ARMCX4: variants seen among roughly 807,000 people sequenced by gnomAD.
ARMCX4 encodes armadillo repeat containing X-linked 4.
ARMCX4 carries 3 observed loss-of-function variants against 34.7 expected under a neutral mutation model. The ratio of observed to expected loss-of-function variants is 0.09; its 90% CI spans 0.04 to 0.22. ARMCX4 has a LOEUF of 0.22. Ranked by LOEUF, ARMCX4 falls within the 10% of genes least tolerant of loss-of-function variation. The pLI is 1.00. For missense variants in ARMCX4, 1,448 were observed against 1,720.8 expected, an observed-to-expected ratio of 0.84 and a Z score of 2.81; for synonymous variants, 513 against 632.8, an observed-to-expected ratio of 0.81 and a Z score of 2.84.
intron 11 of ARMCX4, among the ~76,000 whole-genome samples, chrX:101,517,959 G>A (rs1356837661): frequency 9.0e-6 from 1 of 111,614 alleles, no homozygotes; most frequent in African/African-American, 3.2e-5. Flanking sequence ...GCACACATAA[G>A]AATAGTTAGA....
intron 2 of ARMCX4, among the ~76,000 whole-genome samples, chrX:101,433,378 A>C (rs1042808217): frequency 2.9e-4 from 30 of 102,323 alleles, no homozygotes; most frequent in African/African-American, 1.1e-3. Context: ...ACATATGTAC[A>C]TATATGTACA....
rs1556011193 is a variant in ARMCX4 at position 101,494,382 on chromosome X, C to T, written c.5793C>T (p.Asn1931=). The change falls in exon 6 of 6, where the codon AAC becomes AAT. Residue 1931 remains asparagine, a synonymous_variant. Transcript: ENST00000423738. ...DASFESGAGD[N]TSIKDKFEAA... ...GTTTTGAGTCTGGAGCTGGGGATAACACCAGCATCAAGGATAAGTTTGAGG... is the reference window on the plus strand; with the variant it reads ...GTTTTGAGTCTGGAGCTGGGGATAATACCAGCATCAAGGATAAGTTTGAGG... 8.7e-7 allele frequency: 1 copy of T among 1,155,419 alleles called. No homozygotes were observed. Among genetic ancestry groups the T allele is most frequent in the South Asian group, 1.9e-5 (1 of 52,697 alleles).
At chrX:101,447,371 A>G (rs782012887), downstream of ARMCX4, 7 of 112,462 alleles carry the variant, frequency 6.2e-5, no homozygotes, top group Admixed American at 1.9e-4. Context: ...TCATTCAACA[A>G]ATATTTTCTG....
At chrX:101,474,582 C>T (rs1397546766) in intron 4 of ARMCX4, among the ~76,000 whole-genome samples, 1 of 103,901 alleles carries the variant, frequency 9.6e-6, no homozygotes, top group African/African-American at 3.5e-5. Context: ...CAAACTGAAT[C>T]CAGCAGCACA....
intron 11 of ARMCX4, chrX:101,516,808 C>G (rs1299036017): frequency 1.1e-4 from 12 of 111,290 alleles, no homozygotes; most frequent in African/African-American, 3.6e-4. Context: ...CTGCACGCAG[C>G]CCTCTCCAGC....
At chrX:101,449,742 G>A (rs782554737), downstream of ARMCX4, among the ~76,000 whole-genome samples, 25 of 111,712 alleles carry the variant, frequency 2.2e-4, no homozygotes, top group African/African-American at 7.2e-4. Flanking sequence ...CGGTGAGGTC[G>A]TGTTTCCCTA....
At chrX:101,527,124 C>G (rs782436748) in intron 11 of ARMCX4, among the ~76,000 whole-genome samples, 1 of 112,200 alleles carries the variant, frequency 8.9e-6, no homozygotes, top group Non-Finnish European at 1.9e-5. Context: ...GAAATCATAA[C>G]AAGCTGTCTC....
chrX:101,488,084 C>T lies in ARMCX4; in HGVS notation c.-162C>T. The T allele has an allele frequency of 3.2e-6, 3 of 924,056 alleles. No homozygotes were observed. The highest frequency in any genetic ancestry group is 4.2e-6 in the Non-Finnish European group (3 of 712,421). 76.2% of individuals were successfully genotyped at this position (924,056 alleles called of 1,213,427 possible). A position where few individuals can be genotyped will look rare whatever the true frequency, so the allele number is the denominator to read the frequency against. ...GAAGCAAGAGGAGAGGAGGGAACTG[C>T]CTCGGATCATTACAGGTTGGTATGA... On this transcript the variant is annotated 5_prime_UTR_variant, in exon 5 of 6. Coordinates refer to ENST00000423738, the MANE Select transcript of ARMCX4 (RefSeq NM_001256155.3).
chrX:101,527,059 C>T (rs150087086), intron 11 of ARMCX4, among the ~76,000 whole-genome samples: 2,162 of 111,590 alleles, frequency 0.019, 26 homozygotes, highest in South Asian at 0.044. Flanking sequence ...GCACTTATTC[C>T]AAAACTGACC....
chrX:101,504,058 T>G (rs1403683309), intron 7 of ARMCX4, among the ~76,000 whole-genome samples: 1 of 112,158 alleles, frequency 8.9e-6, no homozygotes, highest in Non-Finnish European at 1.9e-5. Context: ...TTTCCCCATT[T>G]CTTGTTTTTG....
At chrX:101,516,241 A>G (rs887218650) in intron 11 of ARMCX4, among the ~76,000 whole-genome samples, 1 of 111,601 alleles carries the variant, frequency 9.0e-6, no homozygotes, top group African/African-American at 3.3e-5. Context: ...TTGAAAAAAA[A>G]TTTGGTTGTC....
At position 101,492,988 on chromosome X, in the gene ARMCX4, G is replaced by T; in HGVS notation, c.4399G>T (p.Asp1467Tyr). 1.7e-6 allele frequency: 2 copies of T among 1,155,278 alleles called. No homozygotes were observed. The highest frequency in any genetic ancestry group is 2.3e-6 in the Non-Finnish European group (2 of 872,587). ...ASVGPKPIFEDQVSGRGSWAD... is the reference protein window; with the variant it reads ...ASVGPKPIFEYQVSGRGSWAD... Reference sequence around the variant, plus strand: ...TGTTGGGCCAAAGCCTATATTTGAGGATCAGGTCAGTGGCAGAGGGTCCTG... The same window carrying T: ...TGTTGGGCCAAAGCCTATATTTGAGTATCAGGTCAGTGGCAGAGGGTCCTG... Residue 1467 changes from aspartate (D) to tyrosine (Y), a missense_variant, in exon 6 of 6, where the codon GAT becomes TAT. By Grantham distance (160) the Asp-to-Tyr change is radical. Coordinates refer to ENST00000423738, the MANE Select transcript of ARMCX4 (RefSeq NM_001256155.3).
intron 11 of ARMCX4, among the ~76,000 whole-genome samples, chrX:101,518,903 G>A (rs1481999210): frequency 1.1e-4 from 12 of 109,597 alleles, no homozygotes; most frequent in South Asian, 3.8e-4. Context: ...GGTGTGATCC[G>A]CCAAGAATAT....
Position 101,489,264 on chromosome X carries a change from G to A in ARMCX4, c.675G>A (p.Thr225=), listed in dbSNP as rs868913122. ...GGGAAGTGGCCAAGATGGGGGCCACGAACAAGACTGGAATTGTGGATGAAA... is the reference window on the plus strand; with the variant it reads ...GGGAAGTGGCCAAGATGGGGGCCACAAACAAGACTGGAATTGTGGATGAAA... ...VPREVAKMGA[T]NKTGIVDETK... The change falls in exon 6 of 6, where the codon ACG becomes ACA. Residue 225 remains threonine, a synonymous_variant. Transcript: ENST00000423738. 35 of 1,154,087 alleles carry A rather than the reference G, an allele frequency of 3.0e-5. No homozygotes were observed. The Middle Eastern group carries it at 2.8e-3, about 91-fold the overall frequency.
chrX:101,523,258 C>A (rs934922275), intron 11 of ARMCX4, among the ~76,000 whole-genome samples: 1 of 111,815 alleles, frequency 8.9e-6, no homozygotes, highest in Non-Finnish European at 1.9e-5. Context: ...TCAGTATCAT[C>A]CCTGGAAGTC....
rs1934030881 is a variant in ARMCX4, at chrX:101,492,671, G to T, written c.4082G>T (p.Ser1361Ile). Residue 1361 changes from serine (S) to isoleucine (I), a missense_variant, in exon 6 of 6, where the codon AGT (serine) becomes ATT (isoleucine). Physicochemically the swap from Ser to Ile is moderately radical, Grantham distance 142. This residue lies in a region of ARMCX4 where 1,343 missense variants were observed against 1,540.7 expected (regional missense o/e 0.87). Coordinates refer to ENST00000423738, the MANE Select transcript of ARMCX4 (RefSeq NM_001256155.3). ...TGGGCTGACACTGCAGACCAAGCCAGTGGAGGGTCTAGGCTGGGCCACGTA... is the reference window on the plus strand; with the variant it reads ...TGGGCTGACACTGCAGACCAAGCCATTGGAGGGTCTAGGCTGGGCCACGTA... ...RSWADTADQA[S>I]GGSRLGHVDQ... The T allele has an allele frequency of 8.9e-7, 1 of 1,122,123 alleles. No homozygotes were observed. 92.5% of individuals were successfully genotyped at this position (1,122,123 alleles called of 1,213,427 possible).
At chrX:101,506,896 A>C (rs1934464047) in intron 8 of ARMCX4, among the ~76,000 whole-genome samples, 1 of 111,810 alleles carries the variant, frequency 8.9e-6, no homozygotes, top group African/African-American at 3.2e-5. Flanking sequence ...AATTAATTTC[A>C]ATTTCCTTTT....
chrX:101,498,826 A>G, downstream of ARMCX4: 1 of 111,764 alleles, frequency 8.9e-6, no homozygotes, highest in Middle Eastern at 4.6e-3. Context: ...TTATATCCCC[A>G]GATTCCCCTG....
In ARMCX4 at chrX:101,471,928, T is replaced by G. The variant is rs782675433; in HGVS notation, c.-472-14095T>G. Among the ~76,000 whole-genome samples the G allele has an allele frequency of 9.6e-5, 10 of 104,549 alleles. No homozygotes were observed. The South Asian group carries it at 4.4e-3, about 46-fold the overall frequency. 90.8% of individuals were successfully genotyped at this position (104,549 alleles called of 115,157 possible). On this transcript the variant is annotated intron_variant and NMD_transcript_variant, in intron 4 of 15. Coordinates refer to the ARMCX4 transcript ENST00000433011. ...TCCTCCTCCAAAGGAACGCAGTTCC[T>G]CACCAGCAACGGAACAAAGCTGGAT...
Sources: allele counts gnomAD v4.1 joint callset (sites outside exome capture counted in the v4.1 genomes callset), GRCh38; gene constraint gnomAD v4.1.1; regional missense constraint gnomAD v4.1.1; transcripts MANE v1.5; gene names NCBI Gene and HGNC (gene_info 2026-07-23, HGNC 2026-07-21).